The following BTNL2 variants were observed in gnomAD, a reference collection of about 807,000 sequenced individuals.
BTNL2 encodes the protein butyrophilin like 2.
A neutral mutation model predicts 46.8 loss-of-function variants in BTNL2; 46 were observed. The ratio of observed to expected loss-of-function variants is 0.98; its 90% CI spans 0.78 to 1.26. BTNL2 has a LOEUF of 1.26. Among genes scored for constraint, BTNL2 ranks in the 50% most tolerant of loss-of-function variants. The pLI is 0.00. For missense variants in BTNL2, 461 were observed against 592.6 expected (o/e 0.78, Z 2.31); for synonymous variants, 226 against 229.1 (o/e 0.99, Z 0.12).
chr6:32,402,517 TTGC>T (rs781335000), intron 3 of BTNL2, among the ~76,000 whole-genome samples: 3 of 152,218 alleles, frequency 2.0e-5, no homozygotes, highest in Non-Finnish European at 4.4e-5. Context: ...TTGGTTGTTT[TTGC>T]TGCTATTTAT....
rs1261813553 is a variant in BTNL2, at chr6:32,393,948, G to A, written c.*6+15C>T. ...CACTGCAGTGTGCTCCGCTGTTTCT[G>A]TTTCCCTGACTTACCTCTTTTCAGC... On this transcript the variant is annotated intron_variant, in intron 7 of 7. Transcript: ENST00000454136. The surrounding 1 kb of genome is among the most constrained non-coding windows in gnomAD (Gnocchi z 4.8). 1 of 1,547,912 alleles carries A rather than the reference G, an allele frequency of 6.5e-7. No homozygotes were observed. The highest frequency in any genetic ancestry group is 1.4e-5 in the African/African-American group (1 of 72,728).
intron 3 of BTNL2, 125 bp downstream of exon 3, chr6:32,402,810 G>T: frequency 2.0e-6 from 2 of 1,017,564 alleles, no homozygotes; most frequent in Non-Finnish European, 2.8e-6. Flanking sequence ...ATGTTTTATG[G>T]CTTTCAATAC....
Position 32,394,931 on chromosome 6 carries a change from G to T in BTNL2, c.1173C>A (p.His391Gln). 2 of 1,614,154 alleles carry T rather than the reference G, an allele frequency of 1.2e-6. No individual in the cohort carries two copies. Among genetic ancestry groups the T allele is most frequent in the Non-Finnish European group, 1.7e-6 (2 of 1,180,004 alleles). The stretch of plus-strand genomic sequence containing the variant: ...TTCCTTCCATGTCCCTCCATGGCAC[G>T]TGGGGCTGTGGGAACCACCCATCTG... ...CSSDGWFPQPHVPWRDMEGKT... is the reference protein window; with the variant it reads ...CSSDGWFPQPQVPWRDMEGKT... Residue 391 changes from histidine (H) to glutamine (Q), a missense_variant, in exon 6 of 8, where the codon CAC (histidine) becomes CAA (glutamine). Physicochemically the swap from His to Gln is conservative, Grantham distance 24. Coordinates refer to ENST00000454136, the MANE Select transcript of BTNL2 (RefSeq NM_001304561.2). This position sits in a 1 kb window ranked among gnomAD's most constrained non-coding sequence, Gnocchi z 4.6.
In BTNL2 at chr6:32,405,104, T is replaced by A; in HGVS notation, c.262A>T (p.Met88Leu). ...RDGVEVTEMQ[M>L]EEYRGWVEWI... ...TCTACCCAGCCTCTGTACTCCTCCA[T>A]CTGCATCTCAGTCACCTCCACTCCA... The change falls in exon 2 of 8, where the codon ATG (methionine) becomes TTG (leucine). Residue 88 changes from methionine to leucine, a missense_variant. Coordinates refer to ENST00000454136, the MANE Select transcript of BTNL2 (RefSeq NM_001304561.2). 1 of 1,613,052 alleles carries A rather than the reference T, an allele frequency of 6.2e-7. No homozygotes were observed. The highest frequency in any genetic ancestry group is 8.5e-7 in the Non-Finnish European group (1 of 1,180,032).
At chr6:32,395,545 G>A (rs964442967) in intron 5 of BTNL2, among the ~76,000 whole-genome samples, 3 of 152,104 alleles carry the variant, frequency 2.0e-5, no homozygotes, top group Non-Finnish European at 4.4e-5. Flanking sequence ...TGCTAACCTT[G>A]GACGTTTCAA....
intron 3 of BTNL2, among the ~76,000 whole-genome samples, chr6:32,402,490 A>G (rs1020339176): frequency 3.3e-5 from 5 of 151,616 alleles, no homozygotes; most frequent in Non-Finnish European, 7.4e-5. Context: ...TCCACACTGT[A>G]CTGTTGTATT....
chr6:32,402,442 T>TC (rs201783166), intron 3 of BTNL2, among the ~76,000 whole-genome samples: 2,611 of 152,208 alleles, frequency 0.017, 72 homozygotes, highest in East Asian at 0.1. Context: ...TTTAAAAATA[T>TC]CTTTTTATTA....
chr6:32,405,818 G>GTT (rs1033552860), intron 1 of BTNL2, among the ~76,000 whole-genome samples: 2 of 128,022 alleles, frequency 1.6e-5, no homozygotes, highest in Non-Finnish European at 3.3e-5. Context: ...TTTTTTTTTT[G>GTT]TTTTTTTTTT....
chr6:32,403,489 C>T (rs2076521), intron 2 of BTNL2, among the ~76,000 whole-genome samples: 2,920 of 152,294 alleles, frequency 0.019, 69 homozygotes, highest in East Asian at 0.098. Context: ...CATTTTGCAA[C>T]GCCTCTAGCA....
rs756449026 is a variant in BTNL2 at position 32,403,086 on chromosome 6, C to G, written c.558G>C (p.Leu186=). 6.2e-7 allele frequency: 1 copy of G among 1,612,914 alleles called. No individual in the cohort carries two copies. The highest frequency in any genetic ancestry group is 1.1e-5 in the South Asian group (1 of 91,084). The part of the protein sequence containing the change: ...YWEDIRGEKL[L]AVSEHRIQDK... ...CTTGGATGCGATGCTCAGACACGGC[C>G]AGCAGCTTCTCTCCCCGGATGTCTT... The change falls in exon 3 of 8, where the codon CTG becomes CTC. Residue 186 remains leucine (L), a synonymous_variant. Coordinates refer to ENST00000454136, the MANE Select transcript of BTNL2 (RefSeq NM_001304561.2).
In BTNL2 at chr6:32,394,839, A is replaced by G. The variant is rs1304050538; in HGVS notation, c.1265T>C (p.Leu422Ser). Reference protein sequence around the residue: ...GSHGLFHVQTLLRVTNISAVD... With the variant: ...GSHGLFHVQTSLRVTNISAVD... ...AGCGGAGATGTTTGTGACCCTTAGC[A>G]ATGTCTGCACGTGGAACAGCCCGTG... Residue 422 changes from leucine (L) to serine (S), a missense_variant, in exon 6 of 8, where the codon TTG becomes TCG. Leu to Ser is a moderately radical substitution (Grantham distance 145). Coordinates refer to ENST00000454136, the MANE Select transcript of BTNL2 (RefSeq NM_001304561.2). This position sits in a 1 kb window ranked among gnomAD's most constrained non-coding sequence, Gnocchi z 4.6. 2.5e-6 allele frequency: 4 copies of G among 1,614,224 alleles called. No homozygotes were observed. Among genetic ancestry groups the G allele is most frequent in the Non-Finnish European group, 3.4e-6 (4 of 1,180,032 alleles).
chr6:32,405,438 C>T (rs1777076399), intron 1 of BTNL2, 152 bp from the exon 2 acceptor site: 2 of 827,768 alleles, frequency 2.4e-6, no homozygotes, highest in South Asian at 2.9e-5. Flanking sequence ...ATGATTTGCA[C>T]ATCTGTTTGT....
rs117051525 is a variant in BTNL2, at chr6:32,399,905, G to T, written c.730+1880C>A. On this transcript the variant is annotated intron_variant, in intron 4 of 7. Coordinates refer to ENST00000454136, the MANE Select transcript of BTNL2 (RefSeq NM_001304561.2). This position sits in a 1 kb window ranked among gnomAD's most constrained non-coding sequence, Gnocchi z 5.2. ...CACCTGCAAAGCTTCCGTGCCCAGA[G>T]CCCTCCTCTCCCACCTGACAGGAAG... is the stretch of plus-strand genomic sequence containing the variant. Among the ~76,000 whole-genome samples the T allele has an allele frequency of 0.012, 1,860 of 152,260 alleles. 67 individuals are homozygous for T. The highest frequency in any genetic ancestry group is 0.11 in the East Asian group (568 of 5,184).
chr6:32,404,474 T>C (rs62404570), intron 2 of BTNL2, among the ~76,000 whole-genome samples: 15,891 of 152,232 alleles, frequency 0.1, 966 homozygotes, highest in East Asian at 0.2. Context: ...TTCTTAGCCT[T>C]TTCAGTCTTG....
intron 5 of BTNL2, among the ~76,000 whole-genome samples, chr6:32,395,436 G>A (rs1199952590): frequency 6.6e-6 from 1 of 152,088 alleles, no homozygotes; most frequent in African/African-American, 2.4e-5. Context: ...CTCAACATGC[G>A]CTCCCATGGC....
chr6:32,395,061 T>C, intron 5 of BTNL2, 36 bp from the exon 6 acceptor site: 1 of 1,524,122 alleles, frequency 6.6e-7, no homozygotes, highest in Non-Finnish European at 8.8e-7. Flanking sequence ...CTGGGGTCCT[T>C]TCAAGTGGAT....
rs1444900876 is a variant in BTNL2 at position 32,394,136 on chromosome 6, T to A, written c.1361-79A>T. The A allele has an allele frequency of 6.6e-7, 1 of 1,523,200 alleles. No homozygotes were observed. Among genetic ancestry groups the A allele is most frequent in the Non-Finnish European group, 8.8e-7 (1 of 1,132,206 alleles). The allele number at this position is 1,523,200 out of a possible 1,614,324, so 94.4% of individuals were successfully genotyped here. ...GATTGTACTTTTCATCTGAGCAGCT[T>A]CTAGGCTGGAGAGAAGGGAGAGAAT... On this transcript the variant is annotated intron_variant, in intron 6 of 7. Coordinates refer to ENST00000454136, the MANE Select transcript of BTNL2 (RefSeq NM_001304561.2). The surrounding 1 kb of genome is among the most constrained non-coding windows in gnomAD (Gnocchi z 4.6).
At chr6:32,397,880 G>T (rs1483776105) in intron 4 of BTNL2, among the ~76,000 whole-genome samples, 1 of 152,180 alleles carries the variant, frequency 6.6e-6, no homozygotes, top group African/African-American at 2.4e-5. Context: ...TTGTAAGTCT[G>T]GTCCAGCCGC....
intron 1 of BTNL2, among the ~76,000 whole-genome samples, chr6:32,405,861 G>A (rs1214482617): frequency 6.6e-6 from 1 of 150,418 alleles, no homozygotes; most frequent in South Asian, 2.1e-4. Context: ...GTTGGCAGGA[G>A]GCCAATTACT....
Sources: allele counts gnomAD v4.1 joint callset (sites outside exome capture counted in the v4.1 genomes callset), GRCh38; gene constraint gnomAD v4.1.1; non-coding constraint Gnocchi (gnomAD v3.1); transcripts MANE v1.5; gene names NCBI Gene and HGNC (gene_info 2026-07-23, HGNC 2026-07-21).